UNC5C: variants seen among roughly 807,000 people sequenced by gnomAD.
The protein encoded by UNC5C is netrin receptor UNC5C.
In UNC5C, 47 loss-of-function variants were observed where a neutral mutation model predicts 99.8. The observed-to-expected ratio is 0.47, with a 90% confidence interval of 0.37 to 0.60. UNC5C has a LOEUF of 0.60. Among genes scored for constraint, UNC5C ranks in the 20% least tolerant of loss-of-function variants. UNC5C has a pLI of 0.00. For missense variants in UNC5C, 1,062 were observed against 1,165.9 expected, an observed-to-expected ratio of 0.91 and a Z score of 1.30; for synonymous variants, 487 against 452.2, an observed-to-expected ratio of 1.08 and a Z score of -0.98.
chr4:95,404,747 A>C (rs1487533722), intron 1 of UNC5C, among the ~76,000 whole-genome samples: 1 of 152,150 alleles, frequency 6.6e-6, no homozygotes, highest in Non-Finnish European at 1.5e-5. Context: ...TGTACCCAAA[A>C]AGTTGCCATT....
At chr4:95,397,733 A>T (rs1230248125) in intron 1 of UNC5C, among the ~76,000 whole-genome samples, 1 of 152,220 alleles carries the variant, frequency 6.6e-6, no homozygotes, top group Admixed American at 6.5e-5. Context: ...AAATGTCCGT[A>T]TACTGAAAAA....
intron 1 of UNC5C, among the ~76,000 whole-genome samples, chr4:95,370,350 A>G (rs962872923): frequency 5.3e-5 from 8 of 152,064 alleles, no homozygotes; most frequent in Admixed American, 5.2e-4. Flanking sequence ...ATGTGGTCAT[A>G]TTATATTTAT....
intron 14 of UNC5C, 112 bp from the exon 15 acceptor site, chr4:95,170,444 T>A: frequency 7.9e-7 from 1 of 1,272,914 alleles, no homozygotes; most frequent in Non-Finnish European, 1.1e-6. Context: ...GAATGAATGC[T>A]GTTATTCTTC....
intron 1 of UNC5C, among the ~76,000 whole-genome samples, chr4:95,454,733 C>A (rs6855162): frequency 1.2e-4 from 19 of 152,128 alleles, no homozygotes; most frequent in Middle Eastern, 3.4e-3. Context: ...CCAGGTTCTT[C>A]ACTAAGTGTT....
chr4:95,242,288 G>A (rs368182808), intron 7 of UNC5C, 141 bp downstream of exon 7: 1 of 1,224,358 alleles, frequency 8.2e-7, no homozygotes. Flanking sequence ...TTCCAATTTT[G>A]AGAGCAAGCT....
In UNC5C at chr4:95,166,016, T is replaced by G. The variant is rs1389776803; in HGVS notation, c.*3218A>C. The G allele has an allele frequency of 6.6e-6, 1 of 152,220 alleles. No homozygotes were observed. The highest frequency in any genetic ancestry group is 2.4e-5 in the African/African-American group (1 of 41,470). The allele number at this position is 152,220 out of a possible 1,614,324, so 9.4% of individuals were successfully genotyped here. A position where few individuals can be genotyped will look rare whatever the true frequency, so the allele number is the denominator to read the frequency against. On this transcript the variant is annotated 3_prime_UTR_variant, in exon 16 of 16. Coordinates refer to ENST00000453304, the MANE Select transcript of UNC5C (RefSeq NM_003728.4). ...AATTTGAAGTGAAAATTTCCCTACA[T>G]CTGTTTGTCATAAAGGTCCTTGAAC...
chr4:95,303,298 C>G (rs1741941129), intron 2 of UNC5C, among the ~76,000 whole-genome samples: 1 of 152,150 alleles, frequency 6.6e-6, no homozygotes, highest in Non-Finnish European at 1.5e-5. Flanking sequence ...GAGGTGGGGT[C>G]CAGCAATCTG....
At chr4:95,218,894 A>G in intron 9 of UNC5C, 75 bp downstream of exon 9, 3 of 1,431,822 alleles carry the variant, frequency 2.1e-6, no homozygotes, top group Non-Finnish European at 1.9e-6. Context: ...AAAACATCCC[A>G]CGAACAAAAA....
chr4:95,538,492 G>T (rs1044899289), intron 1 of UNC5C, among the ~76,000 whole-genome samples: 5 of 152,076 alleles, frequency 3.3e-5, no homozygotes, highest in Non-Finnish European at 7.4e-5. Context: ...CATTAAACAG[G>T]CAACCTCCCT....
chr4:95,244,867 T>C (rs1579262394), intron 6 of UNC5C, 110 bp downstream of exon 6: 1 of 1,409,816 alleles, frequency 7.1e-7, no homozygotes, highest in East Asian at 2.3e-5. Context: ...TGGATTTAAA[T>C]AACGTTCATC....
intron 4 of UNC5C, among the ~76,000 whole-genome samples, chr4:95,262,381 T>C (rs12640070): frequency 0.64 from 97,432 of 152,068 alleles, 31,481 homozygotes; most frequent in Middle Eastern, 0.71. Flanking sequence ...TCCACGTATT[T>C]CTACTTACTT....
intron 1 of UNC5C, among the ~76,000 whole-genome samples, chr4:95,461,800 G>A (rs1424634463): frequency 6.6e-6 from 1 of 152,188 alleles, no homozygotes; most frequent in Non-Finnish European, 1.5e-5. Flanking sequence ...GGTGATGCGT[G>A]GCGATGATAG....
At chr4:95,327,413 G>GA (rs1560787766) in intron 2 of UNC5C, among the ~76,000 whole-genome samples, 1 of 151,638 alleles carries the variant, frequency 6.6e-6, no homozygotes. Context: ...TCACAGGATT[G>GA]AAAAAAACTC....
intron 4 of UNC5C, among the ~76,000 whole-genome samples, chr4:95,265,570 A>G (rs1167310248): frequency 6.6e-6 from 1 of 152,194 alleles, no homozygotes. Flanking sequence ...GATGAGATGG[A>G]TGTGACACTT....
Position 95,201,799 on chromosome 4 carries a change from T to C in UNC5C, c.2136+932A>G, listed in dbSNP as rs574028265. ...TTTTGTATTTTTAGTAGAGACGGGG[T>C]TTCACCGTGTTAGCCAGGATGGTCT... On this transcript the variant is annotated intron_variant, in intron 12 of 15. Coordinates refer to ENST00000453304, the MANE Select transcript of UNC5C (RefSeq NM_003728.4). 1.4e-4 allele frequency among the ~76,000 whole-genome samples: 21 copies of C among 152,130 alleles called. No individual in the cohort carries two copies. The South Asian group carries it at 1.7e-3, about 12-fold the overall frequency.
intron 1 of UNC5C, among the ~76,000 whole-genome samples, chr4:95,423,117 C>A (rs936072769): frequency 5.3e-5 from 8 of 152,170 alleles, no homozygotes; most frequent in African/African-American, 1.7e-4. Flanking sequence ...CCTTGACAAG[C>A]CCCATTGCAA....
At chr4:95,522,019 A>G (rs1330799346) in intron 1 of UNC5C, among the ~76,000 whole-genome samples, 1 of 152,144 alleles carries the variant, frequency 6.6e-6, no homozygotes, top group Non-Finnish European at 1.5e-5. Flanking sequence ...AAATATGACC[A>G]TATTTCTTCC....
intron 7 of UNC5C, among the ~76,000 whole-genome samples, chr4:95,234,615 C>G (rs570685364): frequency 6.6e-6 from 1 of 152,224 alleles, no homozygotes; most frequent in South Asian, 2.1e-4. Context: ...CAAGTTATTT[C>G]TGGCACCTTA....
chr4:95,345,373 C>A (rs767259493), intron 1 of UNC5C, among the ~76,000 whole-genome samples: 2 of 151,838 alleles, frequency 1.3e-5, no homozygotes, highest in Non-Finnish European at 2.9e-5. Context: ...AATATTAGAG[C>A]TAAAGAGAGA....
Sources: gnomAD v4.1 joint callset for allele counts (sites outside exome capture counted in the v4.1 genomes callset) on GRCh38, gnomAD v4.1.1 for gene constraint, MANE v1.5 for transcripts, NCBI Gene and HGNC (gene_info 2026-07-23, HGNC 2026-07-21) for gene names.